The following RBSN variants were observed in gnomAD, a reference collection of about 807,000 sequenced individuals.
RBSN encodes the protein rabenosyn, RAB effector.
In RBSN, 34 loss-of-function variants were observed where a neutral mutation model predicts 60.5. The observed-to-expected ratio is 0.56, with a 90% CI of 0.43 to 0.75. The LOEUF is 0.75. Ranked by LOEUF, RBSN falls within the 30% of genes least tolerant of loss-of-function variation. The pLI is 0.00. For synonymous variants in RBSN, 322 were observed against 366.9 expected (o/e 0.88, Z 1.40); for missense variants, 845 against 986.8 (o/e 0.86, Z 1.92).
At chr3:15,079,123 G>A (rs13317805) in intron 10 of RBSN, among the ~76,000 whole-genome samples, 8,888 of 152,056 alleles carry the variant, frequency 0.058, 306 homozygotes, top group East Asian at 0.13. Context: ...ATAAGGAGCC[G>A]AATCATAAAT....
intron 5 of RBSN, among the ~76,000 whole-genome samples, chr3:15,088,855 C>T (rs546055365): frequency 1.3e-5 from 2 of 152,218 alleles, no homozygotes; most frequent in East Asian, 1.9e-4. Flanking sequence ...TTAAATAGCC[C>T]ATGACTGGTG....
intron 9 of RBSN, chr3:15,081,287 G>A (rs779377570): frequency 2.6e-5 from 4 of 154,276 alleles, no homozygotes; most frequent in Non-Finnish European, 4.3e-5. Flanking sequence ...AGTGCCCGGC[G>A]AGATGTTTTT....
At chr3:15,094,373 G>C (rs2043596588) in intron 4 of RBSN, among the ~76,000 whole-genome samples, 1 of 152,268 alleles carries the variant, frequency 6.6e-6, no homozygotes, top group African/African-American at 2.4e-5. Context: ...CTCACCCTCA[G>C]TGATGTCACG....
chr3:15,079,604 T>C (rs1446423153), intron 10 of RBSN, among the ~76,000 whole-genome samples: 1 of 152,120 alleles, frequency 6.6e-6, no homozygotes, highest in African/African-American at 2.4e-5. Flanking sequence ...TTCATACAGA[T>C]GGAATGAAGT....
chr3:15,085,018 CAGTA>C lies in RBSN; in HGVS notation c.414_417del (p.Asn138LysfsTer9), dbSNP rs2043301932. 6.2e-7 allele frequency: 1 copy of C among 1,614,082 alleles called. No individual in the cohort carries two copies. Among genetic ancestry groups the C allele is most frequent in the African/African-American group, 1.3e-5 (1 of 74,928 alleles). On this transcript the variant is annotated frameshift_variant, in exon 7 of 14. Coordinates refer to ENST00000253699, the MANE Select transcript of RBSN (RefSeq NM_022340.4). LOFTEE classifies it high-confidence loss of function. ...AAGTTACCTCGAATCTTTGCAGACT[CAGTA>C]TTTGTTCTGTCAAATGCAGTGAGCT...
intron 2 of RBSN, among the ~76,000 whole-genome samples, chr3:15,097,115 C>A (rs547854388): frequency 9.2e-5 from 14 of 152,094 alleles, no homozygotes; most frequent in African/African-American, 2.4e-4. Context: ...CTGCCTGAGC[C>A]CCCCCAAACT....
chr3:15,095,954 C>G lies in RBSN; in HGVS notation c.148+19G>C, dbSNP rs1388455331. 2.8e-5 allele frequency: 45 copies of G among 1,614,062 alleles called. No individual in the cohort carries two copies. Among genetic ancestry groups the G allele is most frequent in the Non-Finnish European group, 3.6e-5 (42 of 1,180,008 alleles). On this transcript the variant is annotated intron_variant, in intron 4 of 13. Transcript: ENST00000253699. ...GCTCTCAACGACAGCAGGGGATAGG[C>G]AAGGTCCTCGCCTCTTACTTTTAAT...
In RBSN at chr3:15,077,747, T is replaced by C. The variant is rs1179695847; in HGVS notation, c.998+328A>G. ...GCTATCTGTGACATGATTCCTCACC[T>C]TTGACACAGGATGTTAATCCCTACC... On this transcript the variant is annotated intron_variant, in intron 11 of 13. Coordinates refer to ENST00000253699, the MANE Select transcript of RBSN (RefSeq NM_022340.4). The surrounding 1 kb of genome is among the most constrained non-coding windows in gnomAD (Gnocchi z 4.4). Among the ~76,000 whole-genome samples, 4 of 152,320 alleles carry C rather than the reference T, an allele frequency of 2.6e-5. No individual in the cohort carries two copies. The highest frequency in any genetic ancestry group is 5.9e-5 in the Non-Finnish European group (4 of 68,014).
intron 1 of RBSN, among the ~76,000 whole-genome samples, 180 bp from the exon 2 acceptor site, chr3:15,098,454 G>GAAA (rs2043728936): frequency 3.0e-4 from 4 of 13,338 alleles, no homozygotes; most frequent in Admixed American, 1.2e-3. Context: ...CACGTAAAAA[G>GAAA]TAAAAAAAAT....
intron 9 of RBSN, 139 bp from the exon 10 acceptor site, chr3:15,080,941 T>C: frequency 1.4e-6 from 1 of 694,790 alleles, no homozygotes; most frequent in Non-Finnish European, 2.4e-6. Flanking sequence ...TTTCCTGATT[T>C]ATAGGCATAC....
chr3:15,078,770 A>C (rs2043117264), intron 10 of RBSN, among the ~76,000 whole-genome samples: 1 of 107,820 alleles, frequency 9.3e-6, no homozygotes, highest in South Asian at 3.2e-4. Flanking sequence ...AAAAAAAAAA[A>C]AAAAAATACA....
rs1438021312 is a variant in RBSN at position 15,077,209 on chromosome 3, C to T, written c.999-45G>A. On this transcript the variant is annotated intron_variant, in intron 11 of 13. Coordinates refer to ENST00000253699, the MANE Select transcript of RBSN (RefSeq NM_022340.4). The surrounding 1 kb of genome is among the most constrained non-coding windows in gnomAD (Gnocchi z 4.4). ...TGAATATAATGAGCACTGCCAGCTT[C>T]AGAAACAAGGGTGAAAAGTATAACA... The T allele has an allele frequency of 6.6e-7, 1 of 1,524,654 alleles. No individual in the cohort carries two copies. The highest frequency in any genetic ancestry group is 1.4e-5 in the African/African-American group (1 of 73,120). The allele number at this position is 1,524,654 out of a possible 1,614,324, so 94.4% of individuals were successfully genotyped here.
chr3:15,079,137 T>C (rs1159769493), intron 10 of RBSN, among the ~76,000 whole-genome samples: 1 of 152,182 alleles, frequency 6.6e-6, no homozygotes, highest in African/African-American at 2.4e-5. Flanking sequence ...CATAAATGTT[T>C]TCAGCTTTGC....
Position 15,082,802 on chromosome 3 carries a change from A to G in RBSN, c.599-194T>C, listed in dbSNP as rs2043239607. Among the ~76,000 whole-genome samples the G allele has an allele frequency of 6.6e-6, 1 of 152,082 alleles. No homozygotes were observed. Among genetic ancestry groups the G allele is most frequent in the Non-Finnish European group, 1.5e-5 (1 of 68,000 alleles). On this transcript the variant is annotated intron_variant, in intron 8 of 13. Coordinates refer to ENST00000253699, the MANE Select transcript of RBSN (RefSeq NM_022340.4). This position sits in a 1 kb window ranked among gnomAD's most constrained non-coding sequence, Gnocchi z 4.2. ...GAAAGGACTCCACTGCTGCCCCTCC[A>G]AATCCAAACAGCCTTCCCTTTCCAC...
chr3:15,095,985 CT>C lies in RBSN; in HGVS notation c.135del (p.Gln47LysfsTer17). On this transcript the variant is annotated frameshift_variant, in exon 4 of 14. Transcript: ENST00000253699. LOFTEE classifies it high-confidence loss of function. ...EEHSGEDRDV[K>X]GQIKSLVQKA... ...CCTCGCCTCTTACTTTTAATTTGCC[CT>C]TTGACATCACGGTCTTCCCCTGAGT... 6.2e-7 allele frequency: 1 copy of C among 1,614,186 alleles called. No homozygotes were observed. Among genetic ancestry groups the C allele is most frequent in the Non-Finnish European group, 8.5e-7 (1 of 1,180,032 alleles).
chr3:15,077,204 A>T lies in RBSN; in HGVS notation c.999-40T>A. 6.5e-7 allele frequency: 1 copy of T among 1,543,044 alleles called. No individual in the cohort carries two copies. Among genetic ancestry groups the T allele is most frequent in the Non-Finnish European group, 9.0e-7 (1 of 1,115,620 alleles). Reference sequence around the variant, plus strand: ...ACACATGAATATAATGAGCACTGCCAGCTTCAGAAACAAGGGTGAAAAGTA... The same window carrying T: ...ACACATGAATATAATGAGCACTGCCTGCTTCAGAAACAAGGGTGAAAAGTA... On this transcript the variant is annotated intron_variant, in intron 11 of 13. Transcript: ENST00000253699. The surrounding 1 kb of genome is among the most constrained non-coding windows in gnomAD (Gnocchi z 4.4).
chr3:15,095,808 A>G (rs141693571), intron 4 of RBSN, 165 bp downstream of exon 4: 4 of 830,482 alleles, frequency 4.8e-6, no homozygotes, highest in Non-Finnish European at 7.5e-6. Flanking sequence ...AATGAAATTA[A>G]TAAACAGGGA....
At chr3:15,085,554 A>G (rs2043317758) in intron 6 of RBSN, among the ~76,000 whole-genome samples, 2 of 152,226 alleles carry the variant, frequency 1.3e-5, no homozygotes, top group South Asian at 4.1e-4. Flanking sequence ...TCACTGGATG[A>G]TTGTGCCTGG....
At position 15,085,918 on chromosome 3, in the gene RBSN, A is replaced by C; in HGVS notation, c.333T>G (p.Ala111=). Residue 111 remains alanine, a synonymous_variant, in exon 6 of 14, where the codon GCT becomes GCG. Transcript: ENST00000253699. ...SHLSDFKKHR[A]ARIDHYVVEV... is the part of the protein sequence containing the mutation. ...CCACAACATAGTGGTCAATTCTAGC[A>C]GCTCGGTGTTTTTTGAAGTCGGAAA... 1.2e-6 allele frequency: 2 copies of C among 1,614,084 alleles called. No individual in the cohort carries two copies. The highest frequency in any genetic ancestry group is 1.6e-4 in the Middle Eastern group (1 of 6,062).
Sources: gnomAD v4.1 joint callset for allele counts (sites outside exome capture counted in the v4.1 genomes callset) on GRCh38, gnomAD v4.1.1 for gene constraint, Gnocchi (gnomAD v3.1) non-coding constraint, MANE v1.5 for transcripts, NCBI Gene and HGNC (gene_info 2026-07-23, HGNC 2026-07-21) for gene names.